Variants in HIPK3 observed in about 807,000 individuals in gnomAD.
HIPK3 encodes the protein homeodomain-interacting protein kinase 3.
HIPK3 carries 47 observed loss-of-function variants against 124.2 expected under a neutral mutation model. That is an observed-to-expected ratio of 0.38 (90% confidence interval 0.30 to 0.48). HIPK3 has a LOEUF of 0.48. HIPK3 is among the 20% of genes least tolerant of loss of function. The probability of loss-of-function intolerance (pLI) is 0.98; values close to 1 mark genes in which losing one functional copy is unlikely to be tolerated. For missense variants in HIPK3, 1,286 were observed against 1,454.3 expected, an observed-to-expected ratio of 0.88 and a Z score of 1.88; for synonymous variants, 482 against 515.2, an observed-to-expected ratio of 0.94 and a Z score of 0.87.
At chr11:33,332,058 C>T (rs1265264869) in intron 3 of HIPK3, among the ~76,000 whole-genome samples, 2 of 152,050 alleles carry the variant, frequency 1.3e-5, no homozygotes, top group Non-Finnish European at 2.9e-5. Context: ...CGCGCCTGGC[C>T]AAATTATTAT....
At position 33,328,617 on chromosome 11, in the gene HIPK3, C is replaced by T. The variant is rs1362703540; in HGVS notation, c.1205C>T (p.Ala402Val). Residue 402 changes from alanine to valine, a missense_variant, in exon 3 of 17, where the codon GCC becomes GTC. Transcript: ENST00000303296. ...CTTGGATGGCCGCTCTACCCAGGAG[C>T]CTTGGAGTATGATCAGGTAACAAAT... ...LFLGWPLYPG[A>V]LEYDQIRYIS... 6.2e-7 allele frequency: 1 copy of T among 1,613,152 alleles called. No individual in the cohort carries two copies. The highest frequency in any genetic ancestry group is 1.1e-5 in the South Asian group (1 of 91,052).
intron 13 of HIPK3, 65 bp downstream of exon 13, chr11:33,348,883 C>A: frequency 7.1e-7 from 1 of 1,408,522 alleles, no homozygotes; most frequent in Non-Finnish European, 9.7e-7. Context: ...CGAAAAACAA[C>A]TTTCTGTGAC....
At chr11:33,295,204 T>C (rs1029262378) in intron 2 of HIPK3, among the ~76,000 whole-genome samples, 1 of 152,110 alleles carries the variant, frequency 6.6e-6, no homozygotes, top group Non-Finnish European at 1.5e-5. Flanking sequence ...TTTTAGAGGC[T>C]GTGCCCAGGA....
intron 2 of HIPK3, among the ~76,000 whole-genome samples, chr11:33,324,697 C>T (rs1011794213): frequency 1.4e-4 from 22 of 152,204 alleles, no homozygotes; most frequent in Admixed American, 6.5e-4. Context: ...TTGGGCTATT[C>T]TTGCTTGATG....
intron 3 of HIPK3, among the ~76,000 whole-genome samples, chr11:33,335,364 A>G (rs1457882168): frequency 1.3e-5 from 2 of 152,232 alleles, no homozygotes; most frequent in African/African-American, 4.8e-5. Flanking sequence ...AAAGACTGTC[A>G]GGAAGTAGAA....
At chr11:33,266,201 T>C (rs1258853078) in intron 1 of HIPK3, among the ~76,000 whole-genome samples, 1 of 151,914 alleles carries the variant, frequency 6.6e-6, no homozygotes. Flanking sequence ...TGAAATTAGC[T>C]GAATACTGTA....
chr11:33,257,198 A>G, upstream of HIPK3: 2 of 979,032 alleles, frequency 2.0e-6, no homozygotes, highest in Non-Finnish European at 2.4e-6. Flanking sequence ...GGCTCCGGGC[A>G]ACAAGGGCGC....
At chr11:33,352,979 G>A in intron 16 of HIPK3, 113 bp from the exon 17 acceptor site, 1 of 637,808 alleles carries the variant, frequency 1.6e-6, no homozygotes, top group Non-Finnish European at 2.7e-6. Context: ...AGTTCTGAGA[G>A]ATCCACTATG....
At chr11:33,319,858 A>G (rs1852613917) in intron 2 of HIPK3, among the ~76,000 whole-genome samples, 1 of 152,226 alleles carries the variant, frequency 6.6e-6, no homozygotes, top group Non-Finnish European at 1.5e-5. Context: ...TCAGTTAATG[A>G]CAAGTGCTAT....
chr11:33,345,587 T>G (rs1853468840), intron 8 of HIPK3, among the ~76,000 whole-genome samples: 1 of 149,176 alleles, frequency 6.7e-6, no homozygotes, highest in South Asian at 2.1e-4. Context: ...GGAAATTTGC[T>G]CTCTCTGTTC....
chr11:33,334,939 G>C (rs1018381380), intron 3 of HIPK3, among the ~76,000 whole-genome samples: 3 of 152,162 alleles, frequency 2.0e-5, no homozygotes. Flanking sequence ...ACTCAGAATT[G>C]AAGAGGATCT....
chr11:33,277,863 A>G (rs1426561901), intron 1 of HIPK3, among the ~76,000 whole-genome samples: 1 of 152,244 alleles, frequency 6.6e-6, no homozygotes, highest in Non-Finnish European at 1.5e-5. Context: ...ATGGCATAAA[A>G]TAAGACTTGG....
chr11:33,257,766 G>A lies in HIPK3; in HGVS notation c.-126G>A. 1.0e-6 allele frequency: 1 copy of A among 987,674 alleles called. No individual in the cohort carries two copies. 61.2% of individuals were successfully genotyped at this position (987,674 alleles called of 1,614,324 possible). A position where few individuals can be genotyped will look rare whatever the true frequency, so the allele number is the denominator to read the frequency against. ...GCGGCCGCGGAGAGGGGCTGAGCCC[G>A]GGCTGGGTGGTGCCGCCTGCTGAAG... On this transcript the variant is annotated 5_prime_UTR_variant, in exon 1 of 17. Coordinates refer to ENST00000303296, the MANE Select transcript of HIPK3 (RefSeq NM_005734.5).
At position 33,352,060 on chromosome 11, in the gene HIPK3, A is replaced by G. The variant is rs144911413; in HGVS notation, c.3044-78A>G. Reference sequence around the variant, plus strand: ...TAAGGCTCTCAAATCACTATTGTGTAAAATATCTAAAGACTTTGCTAATTT... The same window carrying G: ...TAAGGCTCTCAAATCACTATTGTGTGAAATATCTAAAGACTTTGCTAATTT... On this transcript the variant is annotated intron_variant, in intron 15 of 16. Coordinates refer to ENST00000303296, the MANE Select transcript of HIPK3 (RefSeq NM_005734.5). The G allele has an allele frequency of 2.9e-4, 409 of 1,407,202 alleles. 1 individual carries two copies. The African/African-American group carries it at 5.5e-3, about 19-fold the overall frequency. 87.2% of individuals were successfully genotyped at this position (1,407,202 alleles called of 1,614,324 possible).
intron 1 of HIPK3, among the ~76,000 whole-genome samples, chr11:33,265,192 A>T (rs1850920748): frequency 6.6e-6 from 1 of 152,240 alleles, no homozygotes; most frequent in Non-Finnish European, 1.5e-5. Flanking sequence ...CTGCTATATA[A>T]CCTATAGCTA....
At chr11:33,304,386 C>T (rs1030294780) in intron 2 of HIPK3, among the ~76,000 whole-genome samples, 2 of 152,002 alleles carry the variant, frequency 1.3e-5, no homozygotes, top group Non-Finnish European at 2.9e-5. Flanking sequence ...GGAGAAACCC[C>T]GTCTCTACTA....
intron 2 of HIPK3, among the ~76,000 whole-genome samples, chr11:33,298,595 T>C (rs2133921689): frequency 6.6e-6 from 1 of 152,362 alleles, no homozygotes; most frequent in Non-Finnish European, 1.5e-5. Flanking sequence ...TTTATTGTTG[T>C]AGATGCCATT....
rs996060749 is a variant in HIPK3, at chr11:33,330,365, G to C, written c.1221+1732G>C. Among the ~76,000 whole-genome samples the C allele has an allele frequency of 9.9e-5, 15 of 152,214 alleles. No individual in the cohort carries two copies. The Middle Eastern group carries it at 0.014, about 138-fold the overall frequency. ...TTCTTTTGAGATGAAGTCTTGCTCT[G>C]TCGCCCAGGCTGGAGTGCAGTGGCG... On this transcript the variant is annotated intron_variant, in intron 3 of 16. Coordinates refer to ENST00000303296, the MANE Select transcript of HIPK3 (RefSeq NM_005734.5).
chr11:33,353,580 T>C lies in HIPK3; in HGVS notation c.*12T>C. On this transcript the variant is annotated 3_prime_UTR_variant, in exon 17 of 17. Transcript: ENST00000303296. Reference sequence around the variant, plus strand: ...ATCCATATATGTGAAAAACAGTATATTGGGGAAGCTCAATGATACAAACAT... The same window carrying C: ...ATCCATATATGTGAAAAACAGTATACTGGGGAAGCTCAATGATACAAACAT... 1 of 1,462,872 alleles carries C rather than the reference T, an allele frequency of 6.8e-7. No homozygotes were observed. The highest frequency in any genetic ancestry group is 9.6e-7 in the Non-Finnish European group (1 of 1,043,482). The allele number at this position is 1,462,872 out of a possible 1,614,324, so 90.6% of individuals were successfully genotyped here.
Sources: allele counts gnomAD v4.1 joint callset (sites outside exome capture counted in the v4.1 genomes callset), GRCh38; gene constraint gnomAD v4.1.1; transcripts MANE v1.5; gene names NCBI Gene and HGNC (gene_info 2026-07-23, HGNC 2026-07-21).